Variants in XRCC1 observed in about 807,000 individuals in gnomAD.
The protein encoded by XRCC1 is X-ray repair cross complementing 1, also known as DNA repair protein XRCC1.
In XRCC1, 52 loss-of-function variants were observed where a neutral mutation model predicts 83.3. That is an observed-to-expected ratio of 0.62 (90% CI 0.50 to 0.79). XRCC1 has a LOEUF of 0.79. XRCC1 is among the 30% of genes least tolerant of loss of function. The probability of loss-of-function intolerance (pLI) is 0.00; values close to 1 mark genes in which losing one functional copy is unlikely to be tolerated. For synonymous variants in XRCC1, 281 were observed against 312.6 expected, an observed-to-expected ratio of 0.90 and a Z score of 1.07; for missense variants, 793 against 823.5, an observed-to-expected ratio of 0.96 and a Z score of 0.45.
intron 10 of XRCC1, among the ~76,000 whole-genome samples, chr19:43,550,732 C>T (rs1450141644): frequency 6.6e-6 from 1 of 152,206 alleles, no homozygotes; most frequent in African/African-American, 2.4e-5. Context: ...AGACAACAGG[C>T]TGACCTGACC....
chr19:43,552,186 C>G lies in XRCC1; in HGVS notation c.913G>C (p.Glu305Gln), dbSNP rs929967168. 7 of 1,613,928 alleles carry G rather than the reference C, an allele frequency of 4.3e-6. No individual in the cohort carries two copies. Among genetic ancestry groups the G allele is most frequent in the Non-Finnish European group, 5.9e-6 (7 of 1,179,976 alleles). Residue 305 changes from glutamate (E) to glutamine (Q), a missense_variant, in exon 9 of 17, where the codon GAG (glutamate) becomes CAG (glutamine). By Grantham distance (29) the Glu-to-Gln change is conservative. Coordinates refer to ENST00000262887, the MANE Select transcript of XRCC1 (RefSeq NM_006297.3). The stretch of plus-strand genomic sequence containing the variant: ...GGGCCAGCTCGGGGTCGTCTGGGCT[C>G]GGTGCCTTCTCCTCGGGGTTTGCCT... ...VTGKPRGEGT[E>Q]PRRPRAGPEE...
intron 14 of XRCC1, among the ~76,000 whole-genome samples, chr19:43,545,275 C>T (rs1223862794): frequency 3.3e-5 from 5 of 152,210 alleles, no homozygotes; most frequent in East Asian, 1.9e-4. Context: ...CCTCCCTGCC[C>T]CTCATCCCAC....
intron 2 of XRCC1, among the ~76,000 whole-genome samples, chr19:43,568,360 GGTGGCATGTGCCCGTAATCCCA>G (rs1275169377): frequency 6.6e-6 from 1 of 152,006 alleles, no homozygotes; most frequent in Non-Finnish European, 1.5e-5. Flanking sequence ...AGCCAAGCCT[GGTGGCATGTGCCCGTAATCCCA>G]GCTACTAGGG....
At position 43,545,956 on chromosome 19, in the gene XRCC1, C is replaced by A; in HGVS notation, c.1483G>T (p.Val495Leu). The change falls in exon 14 of 17, where the codon GTG becomes TTG. Residue 495 changes from valine to leucine, a missense_variant and splice_region_variant. By Grantham distance (32) the Val-to-Leu change is conservative (BLOSUM62 1). Transcript: ENST00000262887. ...AGTCTGTGTTCCTTCTGCTCTGCCA[C>A]CCTGGGGGTGCCAAGAGGAGTAGAG... Reference protein sequence around the residue: ...SGDTEDELRRVAEQKEHRLPP... With the variant: ...SGDTEDELRRLAEQKEHRLPP... The A allele has an allele frequency of 6.2e-7, 1 of 1,613,858 alleles. No individual in the cohort carries two copies. Among genetic ancestry groups the A allele is most frequent in the Non-Finnish European group, 8.5e-7 (1 of 1,179,860 alleles).
chr19:43,573,826 G>C (rs2077102016), intron 2 of XRCC1, among the ~76,000 whole-genome samples: 1 of 152,144 alleles, frequency 6.6e-6, no homozygotes, highest in African/African-American at 2.4e-5. Context: ...AGTGAGCCAA[G>C]CCAAGATCAT....
At chr19:43,557,784 T>C in intron 3 of XRCC1, among the ~76,000 whole-genome samples, 2 of 63,000 alleles carry the variant, frequency 3.2e-5, no homozygotes, top group East Asian at 5.3e-4. Context: ...AGGAGCAAAA[T>C]TCCATCTCAA....
chr19:43,575,297 A>G, intron 1 of XRCC1, 111 bp downstream of exon 1: 2 of 1,232,512 alleles, frequency 1.6e-6, no homozygotes, highest in Non-Finnish European at 2.2e-6. Flanking sequence ...GCCTCCTGGA[A>G]ATCCCCCCAT....
intron 2 of XRCC1, among the ~76,000 whole-genome samples, chr19:43,571,052 A>G (rs934223377): frequency 3.3e-5 from 5 of 152,146 alleles, no homozygotes; most frequent in African/African-American, 1.2e-4. Flanking sequence ...GGATCCTGTG[A>G]AGGCCTAAGG....
chr19:43,558,392 T>C (rs1327169090), intron 3 of XRCC1, among the ~76,000 whole-genome samples: 1 of 151,936 alleles, frequency 6.6e-6, no homozygotes, highest in African/African-American at 2.4e-5. Flanking sequence ...TCCTAGCACT[T>C]TGGGAGGCCG....
chr19:43,550,284 TA>T (rs34450115), intron 10 of XRCC1, among the ~76,000 whole-genome samples: 89,894 of 148,700 alleles, frequency 0.6, 27,129 homozygotes, highest in East Asian at 0.88. Context: ...CTTAAGGGGA[TA>T]AAAAAAAAAA....
At chr19:43,555,814 G>A (rs1402351144) in intron 3 of XRCC1, among the ~76,000 whole-genome samples, 1 of 152,194 alleles carries the variant, frequency 6.6e-6, no homozygotes, top group Non-Finnish European at 1.5e-5. Context: ...CAAGGACCCT[G>A]ACTGACCCGG....
chr19:43,551,451 G>T (rs1972573230), intron 10 of XRCC1, 120 bp downstream of exon 10: 1 of 852,622 alleles, frequency 1.2e-6, no homozygotes, highest in Admixed American at 2.1e-5. Flanking sequence ...TCAGTAGTCT[G>T]CTGGCTCTGG....
intron 2 of XRCC1, among the ~76,000 whole-genome samples, chr19:43,573,120 G>C (rs1306284239): frequency 1.3e-5 from 2 of 151,796 alleles, no homozygotes; most frequent in Non-Finnish European, 2.9e-5. Flanking sequence ...TTTTCGTAGA[G>C]ATAGGGTTTC....
In XRCC1 at chr19:43,543,341, C is replaced by CGTGTGTGTGTGTGT. The variant is rs45592142; in HGVS notation, c.*37_*50dup. 5.0e-4 allele frequency: 524 copies of CGTGTGTGTGTGTGT among 1,044,424 alleles called. 1 individual carries two copies. Among genetic ancestry groups the CGTGTGTGTGTGTGT allele is most frequent in the African/African-American group, 3.0e-3 (170 of 56,552 alleles). The allele number at this position is 1,044,424 out of a possible 1,614,324, so 64.7% of individuals were successfully genotyped here. ...ACCAACTCATCTTTATTAAATGCAT[C>CGTGTGTGTGTGTGT]GTGTGTGTGTGTGTGTGTGTGTGTG... On this transcript the variant is annotated 3_prime_UTR_variant, in exon 17 of 17. Coordinates refer to ENST00000262887, the MANE Select transcript of XRCC1 (RefSeq NM_006297.3).
At chr19:43,561,546 T>G (rs1972699158) in intron 2 of XRCC1, among the ~76,000 whole-genome samples, 1 of 152,236 alleles carries the variant, frequency 6.6e-6, no homozygotes, top group African/African-American at 2.4e-5. Context: ...TTTTCTCATC[T>G]GTAAAATGGG....
At chr19:43,559,479 C>T (rs1430146522) in intron 3 of XRCC1, among the ~76,000 whole-genome samples, 2 of 56,532 alleles carry the variant, frequency 3.5e-5, no homozygotes, top group South Asian at 2.0e-3. Flanking sequence ...GACTCCATCT[C>T]AAAAAAAAAA....
intron 2 of XRCC1, among the ~76,000 whole-genome samples, chr19:43,563,138 G>A (rs564278041): frequency 2.0e-4 from 31 of 152,276 alleles, no homozygotes; most frequent in African/African-American, 6.7e-4. Context: ...TGCCTCCACC[G>A]CCATTCCCAG....
At chr19:43,550,687 CCT>C (rs1282614137) in intron 10 of XRCC1, among the ~76,000 whole-genome samples, 1 of 152,288 alleles carries the variant, frequency 6.6e-6, no homozygotes, top group African/African-American at 2.4e-5. Flanking sequence ...ACTTCTTGCC[CCT>C]GTGTAAGCTC....
At chr19:43,575,107 A>C in intron 1 of XRCC1, 105 bp from the exon 2 acceptor site, 1 of 932,358 alleles carries the variant, frequency 1.1e-6, no homozygotes, top group Non-Finnish European at 1.7e-6. Context: ...TACGACCCCC[A>C]GATTTAAGCT....
Sources: allele counts gnomAD v4.1 joint callset (sites outside exome capture counted in the v4.1 genomes callset), GRCh38; gene constraint gnomAD v4.1.1; transcripts MANE v1.5; gene names NCBI Gene and HGNC (gene_info 2026-07-23, HGNC 2026-07-21).